Variants in ATP10B observed in about 807,000 individuals in gnomAD.
The protein encoded by ATP10B is phospholipid-transporting ATPase VB.
Under a neutral mutation model 141.2 loss-of-function variants are expected in ATP10B, and 122 were observed. The observed-to-expected ratio is 0.86, with a 90% CI of 0.75 to 1.00. ATP10B has a LOEUF of 1.00. ATP10B is among the 50% of genes least tolerant of loss of function. ATP10B has a pLI of 0.00. For missense variants in ATP10B, 1,876 were observed against 1,825.3 expected (o/e 1.03, Z -0.51); for synonymous variants, 685 against 692.0 (o/e 0.99, Z 0.16).
At chr5:160,925,627 G>A in the ATP10B span, among the ~76,000 whole-genome samples, 1 of 152,152 alleles carries the variant, frequency 6.6e-6, no homozygotes, top group African/African-American at 2.4e-5. Context: ...TTAATTCCTC[G>A]CATGGGATAC....
rs1193581585 is a variant in ATP10B at position 160,818,144 on chromosome 5, C to A, written c.-575-32341G>T. On this transcript the variant is annotated intron_variant, in intron 1 of 25. Transcript: ENST00000327245. ...CAATGGCAACAAAAGCCAAAATTGA[C>A]AAATGGGATCTAATTAAACTAAAGA... 2.0e-5 allele frequency among the ~76,000 whole-genome samples: 3 copies of A among 152,112 alleles called. No homozygotes were observed. The East Asian group carries it at 5.8e-4, about 29-fold the overall frequency.
chr5:160,617,657 G>A (rs1435237869), intron 16 of ATP10B, among the ~76,000 whole-genome samples: 1 of 152,228 alleles, frequency 6.6e-6, no homozygotes, highest in East Asian at 1.9e-4. Flanking sequence ...GCATGGCAAA[G>A]CCACACTGAT....
At chr5:160,807,936 C>G (rs1772895752) in intron 1 of ATP10B, among the ~76,000 whole-genome samples, 3 of 152,092 alleles carry the variant, frequency 2.0e-5, no homozygotes. Context: ...CTTTTTGTAC[C>G]TGCCTTTAAA....
At chr5:160,785,968 CATTTT>C (rs1771118010) in intron 1 of ATP10B, among the ~76,000 whole-genome samples, 165 bp from the exon 2 acceptor site, 1 of 152,252 alleles carries the variant, frequency 6.6e-6, no homozygotes, top group East Asian at 1.9e-4. Context: ...TCAGTAGAAA[CATTTT>C]ATTTCTGCCA....
In ATP10B at chr5:160,607,009, C is replaced by T; in HGVS notation, c.2916G>A (p.Lys972=). 2 of 1,614,156 alleles carry T rather than the reference C, an allele frequency of 1.2e-6. No individual in the cohort carries two copies. The highest frequency in any genetic ancestry group is 1.1e-5 in the South Asian group (1 of 91,082). The change falls in exon 19 of 26, where the codon AAG becomes AAA. Residue 972 remains lysine, a synonymous_variant. Transcript: ENST00000327245. ...TGGAAGGTAAGCGGAATCCAAAGAG[C>T]TTGCGGTCTGGCTTCTGTAGTTCAC... is the stretch of plus-strand genomic sequence containing the variant. ...QFRELQKPDR[K]LFGFRLPSKT...
intron 6 of ATP10B, among the ~76,000 whole-genome samples, chr5:160,678,181 CT>C (rs2127735315): frequency 6.6e-6 from 1 of 152,318 alleles, no homozygotes; most frequent in Admixed American, 6.5e-5. Flanking sequence ...ATAGATTTTG[CT>C]TTTAAATCAT....
chr5:160,818,182 C>T (rs1773817678), intron 1 of ATP10B, among the ~76,000 whole-genome samples: 1 of 152,136 alleles, frequency 6.6e-6, no homozygotes, highest in Non-Finnish European at 1.5e-5. Context: ...TTCTGCACAG[C>T]AAAAGAAACT....
intron 1 of ATP10B, among the ~76,000 whole-genome samples, chr5:160,837,565 T>C (rs1775529599): frequency 6.6e-6 from 1 of 152,122 alleles, no homozygotes; most frequent in Non-Finnish European, 1.5e-5. Flanking sequence ...TTTTTTTCAG[T>C]AAAATCACAA....
intron 8 of ATP10B, among the ~76,000 whole-genome samples, chr5:160,646,088 A>G (rs1192438574): frequency 6.6e-6 from 1 of 152,160 alleles, no homozygotes; most frequent in Non-Finnish European, 1.5e-5. Flanking sequence ...TATTTATGAA[A>G]AAGTAGAAGC....
At position 160,598,782 on chromosome 5, in the gene ATP10B, G is replaced by A; in HGVS notation, c.3552C>T (p.Gly1184=). Reference sequence around the variant, plus strand: ...CCGATCTCCTTACCTCAGAGTTCTGGCCACTCTTGTATAGCTCAGGCAATG... The same window carrying A: ...CCGATCTCCTTACCTCAGAGTTCTGACCACTCTTGTATAGCTCAGGCAATG... The part of the protein sequence containing the change: ...LLALPELYKS[G]QNSECYNLST... Residue 1184 remains glycine (G), a synonymous_variant, in exon 22 of 26, where the codon GGC becomes GGT. Transcript: ENST00000327245. 6.2e-7 allele frequency: 1 copy of A among 1,614,068 alleles called. No homozygotes were observed. Among genetic ancestry groups the A allele is most frequent in the Non-Finnish European group, 8.5e-7 (1 of 1,179,968 alleles).
In ATP10B at chr5:160,615,944, G is replaced by A. The variant is rs1283612628; in HGVS notation, c.2547C>T (p.Phe849=). 2 of 1,613,806 alleles carry A rather than the reference G, an allele frequency of 1.2e-6. No individual in the cohort carries two copies. Among genetic ancestry groups the A allele is most frequent in the Non-Finnish European group, 1.7e-6 (2 of 1,179,770 alleles). ...IAKKVVSEED[F]RRWASFRREA... ...CACGCCGGAAACTGGCCCATCTCCG[G>A]AAGTCCTCTTCGCTTACAACCTATG... The change falls in exon 17 of 26, where the codon TTC becomes TTT. Residue 849 remains phenylalanine, a synonymous_variant. Coordinates refer to ENST00000327245, the MANE Select transcript of ATP10B (RefSeq NM_025153.3).
rs770978871 is a variant in ATP10B at position 160,684,972 on chromosome 5, A to G, written c.470+1107T>C. The G allele has an allele frequency of 5.5e-5, 39 of 703,234 alleles. No homozygotes were observed. The Middle Eastern group carries it at 1.4e-3, about 25-fold the overall frequency. The allele number at this position is 703,234 out of a possible 1,614,324, so 43.6% of individuals were successfully genotyped here. On this transcript the variant is annotated intron_variant, in intron 6 of 25. Transcript: ENST00000327245. ...TCATGCTCACCTCAGGCTGGAAAGCATTGACCACAGGGATAAAATTCAGAA... is the reference window on the plus strand; with the variant it reads ...TCATGCTCACCTCAGGCTGGAAAGCGTTGACCACAGGGATAAAATTCAGAA...
At position 160,606,959 on chromosome 5, in the gene ATP10B, G is replaced by T; in HGVS notation, c.2966C>A (p.Ala989Asp). The change falls in exon 19 of 26, where the codon GCT becomes GAT. Residue 989 changes from alanine to aspartate, a missense_variant. By Grantham distance (126) the Ala-to-Asp change is moderately radical. Transcript: ENST00000327245. ...PSKTPSITSE[A>D]VVPEAGLVID... Reference sequence around the variant, plus strand: ...GACCAATCCAGCTTCTGGAACCACAGCTTCTGAGGTGATGGATGGTGTCTT... The same window carrying T: ...GACCAATCCAGCTTCTGGAACCACATCTTCTGAGGTGATGGATGGTGTCTT... 2 of 1,614,166 alleles carry T rather than the reference G, an allele frequency of 1.2e-6. No homozygotes were observed. Among genetic ancestry groups the T allele is most frequent in the Non-Finnish European group, 1.7e-6 (2 of 1,180,016 alleles).
chr5:160,762,178 C>A (rs1194044891), intron 2 of ATP10B, among the ~76,000 whole-genome samples: 1 of 152,142 alleles, frequency 6.6e-6, no homozygotes, highest in African/African-American at 2.4e-5. Flanking sequence ...CCTGGTCTTG[C>A]TGGAGATCTA....
At chr5:160,895,186 T>C in the ATP10B span, among the ~76,000 whole-genome samples, 2 of 151,930 alleles carry the variant, frequency 1.3e-5, no homozygotes, top group African/African-American at 4.8e-5. Flanking sequence ...AATGACAGGA[T>C]CAAATTCACA....
At chr5:160,786,606 A>T (rs1771166537) in intron 1 of ATP10B, among the ~76,000 whole-genome samples, 1 of 152,148 alleles carries the variant, frequency 6.6e-6, no homozygotes, top group Non-Finnish European at 1.5e-5. Flanking sequence ...TCATTACAGT[A>T]ACTCATTACA....
chr5:160,808,212 T>A (rs577338110), intron 1 of ATP10B, among the ~76,000 whole-genome samples: 1 of 152,282 alleles, frequency 6.6e-6, no homozygotes, highest in East Asian at 1.9e-4. Context: ...TCTTCTAAGG[T>A]GTGACAATAA....
At chr5:160,913,872 C>A in the ATP10B span, among the ~76,000 whole-genome samples, 1 of 152,182 alleles carries the variant, frequency 6.6e-6, no homozygotes, top group Admixed American at 6.5e-5. Context: ...AACTCGGTCC[C>A]TTTGGAAGGT....
chr5:160,802,127 AT>A (rs1206857506), intron 1 of ATP10B, among the ~76,000 whole-genome samples: 46 of 152,272 alleles, frequency 3.0e-4, no homozygotes, highest in African/African-American at 1.1e-3. Context: ...CTCTCTGGAA[AT>A]GGTTAATACC....
Sources: allele counts gnomAD v4.1 joint callset (sites outside exome capture counted in the v4.1 genomes callset), GRCh38; gene constraint gnomAD v4.1.1; transcripts MANE v1.5; gene names NCBI Gene and HGNC (gene_info 2026-07-23, HGNC 2026-07-21).